Variants in TOP1MT observed in about 807,000 individuals in gnomAD.
TOP1MT encodes DNA topoisomerase I, mitochondrial.
A neutral mutation model predicts 73.9 loss-of-function variants in TOP1MT; 80 were observed. That is an observed-to-expected ratio of 1.08 (90% CI 0.90 to 1.30). The LOEUF is 1.30. Among genes scored for constraint, TOP1MT ranks in the 50% most tolerant of loss-of-function variants. TOP1MT has a pLI of 0.00. For synonymous variants in TOP1MT, 338 were observed against 326.4 expected, an observed-to-expected ratio of 1.04 and a Z score of -0.38; for missense variants, 815 against 808.0, an observed-to-expected ratio of 1.01 and a Z score of -0.10.
At chr8:143,324,710 C>T in intron 5 of TOP1MT, 81 bp from the exon 6 acceptor site, 4 of 1,527,056 alleles carry the variant, frequency 2.6e-6, no homozygotes, top group Non-Finnish European at 3.5e-6. Flanking sequence ...TCTGGTCAAC[C>T]GTCCCACGTG....
At chr8:143,322,840 C>CACACGCACGCA (rs1816531199) in intron 7 of TOP1MT, among the ~76,000 whole-genome samples, 1 of 50,994 alleles carries the variant, frequency 2.0e-5, no homozygotes, top group Non-Finnish European at 5.0e-5. Flanking sequence ...ACACGCACAC[C>CACACGCACGCA]ACACACGCAC....
At chr8:143,309,693 C>T in intron 13 of TOP1MT, 150 bp from the exon 14 acceptor site, 1 of 1,514,894 alleles carries the variant, frequency 6.6e-7, no homozygotes, top group Non-Finnish European at 8.8e-7. Flanking sequence ...AGGCCAACCC[C>T]ACCCCACGCA....
intron 1 of TOP1MT, chr8:143,332,494 A>G: frequency 1.2e-5 from 15 of 1,289,214 alleles, no homozygotes; most frequent in Non-Finnish European, 1.5e-5. Flanking sequence ...CACCTGCCAG[A>G]GCCAGGAGAC....
At chr8:143,352,430 T>C (rs1044936000) in intron 1 of TOP1MT, among the ~76,000 whole-genome samples, 4 of 152,086 alleles carry the variant, frequency 2.6e-5, no homozygotes, top group African/African-American at 9.7e-5. Flanking sequence ...GACCACTCAA[T>C]GGGGAAAGAA....
At chr8:143,317,464 G>A (rs773307544) in intron 10 of TOP1MT, among the ~76,000 whole-genome samples, 4 of 152,240 alleles carry the variant, frequency 2.6e-5, no homozygotes, top group Admixed American at 2.0e-4. Flanking sequence ...CATGGGGCCT[G>A]AGTAGGGCTC....
intron 7 of TOP1MT, among the ~76,000 whole-genome samples, chr8:143,321,650 GGCACGCCACACACAC>G (rs1816382113): frequency 4.8e-5 from 2 of 41,774 alleles, no homozygotes; most frequent in Non-Finnish European, 8.4e-5. Context: ...GCCACACACA[GGCACGCCACACACAC>G]GCACGCCACA....
intron 1 of TOP1MT, chr8:143,332,370 G>T: frequency 1.3e-6 from 1 of 756,482 alleles, no homozygotes; most frequent in Non-Finnish European, 2.0e-6. Flanking sequence ...GGCCTCAGTG[G>T]GAGAGGCTTT....
upstream of TOP1MT, among the ~76,000 whole-genome samples, chr8:143,356,527 C>T (rs1295035412): frequency 6.6e-6 from 1 of 152,202 alleles, no homozygotes; most frequent in African/African-American, 2.4e-5. Context: ...GTGGCTCACG[C>T]CTGTAATCCC....
At position 143,328,581 on chromosome 8, in the gene TOP1MT, C is replaced by T. The variant is rs189732369; in HGVS notation, c.360+769G>A. 4.0e-3 allele frequency among the ~76,000 whole-genome samples: 604 copies of T among 152,346 alleles called. 11 individuals are homozygous for T. Among genetic ancestry groups the T allele is most frequent in the African/African-American group, 1.9e-3 (81 of 41,588 alleles). ...TGGTGTTGCTAGTAAGCTGGACACACGTGACCCAGCAATTTCACCCCAAGT... is the reference window on the plus strand; with the variant it reads ...TGGTGTTGCTAGTAAGCTGGACACATGTGACCCAGCAATTTCACCCCAAGT... On this transcript the variant is annotated intron_variant, in intron 3 of 13. Transcript: ENST00000329245.
At chr8:143,325,842 G>A (rs906995040) in intron 4 of TOP1MT, among the ~76,000 whole-genome samples, 2 of 152,206 alleles carry the variant, frequency 1.3e-5, no homozygotes, top group Admixed American at 6.5e-5. Context: ...GAGGAGGAGG[G>A]CTAAGGGAAT....
At chr8:143,342,274 TATTA>T (rs1319960173) in intron 2 of TOP1MT, among the ~76,000 whole-genome samples, 3 of 142,384 alleles carry the variant, frequency 2.1e-5, no homozygotes, top group Admixed American at 6.7e-5. Flanking sequence ...TTATTATTAT[TATTA>T]GAGACAGAGT....
Position 143,329,201 on chromosome 8 carries a change from A to G in TOP1MT, c.360+149T>C, listed in dbSNP as rs957677231. On this transcript the variant is annotated intron_variant, in intron 3 of 13. Transcript: ENST00000329245. ...AGGATGGCTTGAGCCCAGGAGCTCG[A>G]AGCTGCAAAGAGCCATGACGGCACC... The G allele has an allele frequency of 1.1e-5, 10 of 874,610 alleles. No homozygotes were observed. The Admixed American group carries it at 2.5e-4, about 22-fold the overall frequency. 54.2% of individuals were successfully genotyped at this position (874,610 alleles called of 1,614,324 possible).
chr8:143,358,620 T>C (rs1230085781), upstream of TOP1MT: 1 of 152,254 alleles, frequency 6.6e-6, no homozygotes, highest in African/African-American at 2.4e-5. Context: ...TGCTTCAAAT[T>C]GGGCCCCGAC....
At chr8:143,321,566 C>T (rs868462909) in intron 7 of TOP1MT, among the ~76,000 whole-genome samples, 180 bp from the exon 8 acceptor site, 55 of 106,554 alleles carry the variant, frequency 5.2e-4, no homozygotes, top group Non-Finnish European at 8.2e-4. Flanking sequence ...GCCACACACA[C>T]GCACGCCACA....
At chr8:143,345,951 G>A (rs528864284), upstream of TOP1MT, among the ~76,000 whole-genome samples, 10 of 152,204 alleles carry the variant, frequency 6.6e-5, no homozygotes, top group African/African-American at 1.9e-4. Flanking sequence ...GGGAGATGCC[G>A]GGGGCAGGGG....
chr8:143,311,289 T>C (rs7002559), intron 12 of TOP1MT, among the ~76,000 whole-genome samples: 132,813 of 152,040 alleles, frequency 0.87, 58,106 homozygotes, highest in African/African-American at 0.93. Flanking sequence ...AAAGAAATTT[T>C]ACAGCAGCTG....
In TOP1MT at chr8:143,316,732, G is replaced by A. The variant is rs537374994; in HGVS notation, c.1331-606C>T. 3.3e-5 allele frequency among the ~76,000 whole-genome samples: 5 copies of A among 152,334 alleles called. No homozygotes were observed. The East Asian group carries it at 7.7e-4, about 24-fold the overall frequency. On this transcript the variant is annotated intron_variant, in intron 10 of 13. Transcript: ENST00000329245. ...TTTCCAGTCAAGAATGAGGTTCAGA[G>A]AACGTAAGCACTGGCCCCAAGGCAC... is the stretch of plus-strand genomic sequence containing the variant.
At position 143,317,808 on chromosome 8, in the gene TOP1MT, C is replaced by T; in HGVS notation, c.1245G>A (p.Glu415=). Reference sequence around the variant, plus strand: ...CCTTGGCCGTCAGCCCGTCCATCAGCTCCTGGAGGTGCTTGTTCAGGCTGG... The same window carrying T: ...CCTTGGCCGTCAGCCCGTCCATCAGTTCCTGGAGGTGCTTGTTCAGGCTGG... ...TTTSLNKHLQ[E]LMDGLTAKVF... is the part of the protein sequence containing the mutation. The change falls in exon 10 of 14, where the codon GAG becomes GAA. Residue 415 remains glutamate (E), a synonymous_variant. Transcript: ENST00000329245. 1 of 1,614,204 alleles carries T rather than the reference C, an allele frequency of 6.2e-7. No homozygotes were observed. Among genetic ancestry groups the T allele is most frequent in the Non-Finnish European group, 8.5e-7 (1 of 1,180,038 alleles).
intron 7 of TOP1MT, among the ~76,000 whole-genome samples, chr8:143,323,339 C>T (rs1816586180): frequency 8.4e-6 from 1 of 118,448 alleles, no homozygotes; most frequent in Non-Finnish European, 1.7e-5. Context: ...ACATGCACGC[C>T]ACACACATGC....
Sources: allele counts gnomAD v4.1 joint callset (sites outside exome capture counted in the v4.1 genomes callset), GRCh38; gene constraint gnomAD v4.1.1; transcripts MANE v1.5; gene names NCBI Gene and HGNC (gene_info 2026-07-23, HGNC 2026-07-21).